NEDD9: variants seen among roughly 807,000 people sequenced by gnomAD.
NEDD9 encodes enhancer of filamentation 1.
Under a neutral mutation model 76.6 loss-of-function variants are expected in NEDD9, and 26 were observed. That is an observed-to-expected ratio of 0.34 (90% CI 0.25 to 0.47). NEDD9 has a LOEUF of 0.47. NEDD9 is among the 20% of genes least tolerant of loss of function. The pLI is 1.00. For missense variants in NEDD9, 937 were observed against 1,058.5 expected, an observed-to-expected ratio of 0.89 and a Z score of 1.59; for synonymous variants, 392 against 414.2, an observed-to-expected ratio of 0.95 and a Z score of 0.65.
Position 11,307,345 on chromosome 6 carries a change from A to G in NEDD9, c.-152-1190T>C, listed in dbSNP as rs1352987307. On this transcript the variant is annotated intron_variant, in intron 2 of 3. Coordinates refer to the NEDD9 transcript ENST00000397378. The stretch of plus-strand genomic sequence containing the variant: ...TTATAGTCTTGGCTAAGAGGGGGGA[A>G]AAAGGAATTTTCCTCTGAGGCACTT... Among the ~76,000 whole-genome samples the G allele has an allele frequency of 2.6e-5, 4 of 152,140 alleles. No homozygotes were observed. In the East Asian group the frequency reaches 5.8e-4, roughly 22 times the overall value.
chr6:11,372,959 A>G (rs541470211), intron 1 of NEDD9, among the ~76,000 whole-genome samples: 4 of 152,246 alleles, frequency 2.6e-5, no homozygotes, highest in Non-Finnish European at 5.9e-5. Context: ...CAATGTCTTT[A>G]TTTTTAATGC....
At chr6:11,220,471 G>A (rs1031915750) in intron 1 of NEDD9, among the ~76,000 whole-genome samples, 2 of 152,168 alleles carry the variant, frequency 1.3e-5, no homozygotes, top group African/African-American at 4.8e-5. Context: ...GCCTCCCGAA[G>A]GTACTCTTTG....
At chr6:11,337,906 G>A (rs961994210) in intron 1 of NEDD9, among the ~76,000 whole-genome samples, 14 of 152,138 alleles carry the variant, frequency 9.2e-5, no homozygotes, top group African/African-American at 3.4e-4. Context: ...TCATACCAGC[G>A]TGTATTCACT....
intron 3 of NEDD9, among the ~76,000 whole-genome samples, chr6:11,294,083 A>G (rs1760839280): frequency 6.6e-6 from 1 of 152,110 alleles, no homozygotes; most frequent in South Asian, 2.1e-4. Flanking sequence ...TAGTAGAATC[A>G]ACACTTAGGT....
chr6:11,324,420 C>A (rs1342948408), intron 2 of NEDD9, among the ~76,000 whole-genome samples: 1 of 152,194 alleles, frequency 6.6e-6, no homozygotes, highest in African/African-American at 2.4e-5. Flanking sequence ...CCCCTGGGAT[C>A]TCTTCACCAT....
At position 11,185,458 on chromosome 6, in the gene NEDD9, G is replaced by A. The variant is rs1757952594; in HGVS notation, c.2209C>T (p.Gln737Ter). The A allele has an allele frequency of 1.9e-6, 3 of 1,614,222 alleles. No individual in the cohort carries two copies. Among genetic ancestry groups the A allele is most frequent in the Non-Finnish European group, 2.5e-6 (3 of 1,180,036 alleles). Residue 737 changes from glutamine to a stop codon, truncating the protein, a stop_gained, in exon 7 of 7, where the codon CAG (glutamine) becomes TAG (stop). Transcript: ENST00000379446. LOFTEE classifies it high-confidence loss of function. Reference sequence around the variant, plus strand: ...TGTGCCACGAAGATTCGCGGGGGCTGGGCTGAGCTGACACAACTGAAGAGT... The same window carrying A: ...TGTGCCACGAAGATTCGCGGGGGCTAGGCTGAGCTGACACAACTGAAGAGT... ...DALFSCVSSA[Q>*]PPRIFVAHSK...
rs781704547 is a variant in NEDD9 at position 11,191,177 on chromosome 6, C to G, written c.692G>C (p.Arg231Pro). 1 of 1,608,814 alleles carries G rather than the reference C, an allele frequency of 6.2e-7. No individual in the cohort carries two copies. The highest frequency in any genetic ancestry group is 1.1e-5 in the South Asian group (1 of 90,454). ...GVYAIPPSAC[R>P]DEAGLREKDY... is the part of the protein sequence containing the mutation. ...TTTTTCCCTAAGCCCTGCTTCATCCCGGCAAGCAGAGGGCGGAATGGCATA... is the reference window on the plus strand; with the variant it reads ...TTTTTCCCTAAGCCCTGCTTCATCCGGGCAAGCAGAGGGCGGAATGGCATA... Residue 231 changes from arginine to proline, a missense_variant, in exon 5 of 7, where the codon CGG becomes CCG. Transcript: ENST00000379446.
intron 1 of NEDD9, among the ~76,000 whole-genome samples, chr6:11,367,710 G>A (rs546883301): frequency 2.0e-5 from 3 of 152,164 alleles, no homozygotes; most frequent in Non-Finnish European, 4.4e-5. Flanking sequence ...TTTTGTAATG[G>A]TTCCTGTCTA....
chr6:11,187,533 G>A (rs1430470849), intron 6 of NEDD9, among the ~76,000 whole-genome samples: 1 of 152,074 alleles, frequency 6.6e-6, no homozygotes, highest in Non-Finnish European at 1.5e-5. Flanking sequence ...GACAAATAGC[G>A]AGGTAGAGAC....
intron 1 of NEDD9, among the ~76,000 whole-genome samples, chr6:11,362,491 T>C (rs1056195795): frequency 2.0e-5 from 3 of 152,122 alleles, no homozygotes; most frequent in Non-Finnish European, 4.4e-5. Context: ...AGGGCTACCA[T>C]GAGCACTTTG....
chr6:11,238,726 G>A (rs775066929), intron 3 of NEDD9, among the ~76,000 whole-genome samples: 6 of 152,024 alleles, frequency 3.9e-5, no homozygotes, highest in Non-Finnish European at 7.4e-5. Context: ...TGTATCTCTG[G>A]ACTCCCGTCA....
At chr6:11,199,638 T>TTTTTTTTTTTTC (rs1758381945) in intron 2 of NEDD9, 1 of 7,496 alleles carries the variant, frequency 1.3e-4, no homozygotes, top group Non-Finnish European at 2.7e-4. Flanking sequence ...AGGAAAGATC[T>TTTTTTTTTTTTC]TTTTTTTTTT....
At chr6:11,325,894 C>T (rs1454971880) in intron 2 of NEDD9, among the ~76,000 whole-genome samples, 4 of 152,136 alleles carry the variant, frequency 2.6e-5, no homozygotes, top group Non-Finnish European at 4.4e-5. Context: ...GCCTGTAATC[C>T]CAGCACTTTG....
At chr6:11,310,100 C>T (rs1413877099) in intron 2 of NEDD9, among the ~76,000 whole-genome samples, 1 of 152,146 alleles carries the variant, frequency 6.6e-6, no homozygotes, top group African/African-American at 2.4e-5. Flanking sequence ...CAGCACTGAG[C>T]ACAAATTGCT....
chr6:11,355,840 C>T (rs1036273400), intron 1 of NEDD9, among the ~76,000 whole-genome samples: 3 of 152,128 alleles, frequency 2.0e-5, no homozygotes, highest in East Asian at 1.9e-4. Flanking sequence ...CCTGCCTCAG[C>T]CTCCCCAGTA....
rs1762785530 is a variant in NEDD9 at position 11,367,214 on chromosome 6, G to A, written c.-214+14925C>T. Among the ~76,000 whole-genome samples the A allele has an allele frequency of 2.0e-5, 3 of 152,248 alleles. No homozygotes were observed. In the South Asian group the frequency reaches 6.2e-4, roughly 31 times the overall value. On this transcript the variant is annotated intron_variant, in intron 1 of 3. Transcript: ENST00000397378. Reference sequence around the variant, plus strand: ...TCACACACAGTGGTCTGAAAGTGCAGTGGGCATCAATTAAGATTTAGGTCA... The same window carrying A: ...TCACACACAGTGGTCTGAAAGTGCAATGGGCATCAATTAAGATTTAGGTCA...
intron 1 of NEDD9, among the ~76,000 whole-genome samples, chr6:11,339,094 A>G (rs953164744): frequency 2.6e-5 from 4 of 151,990 alleles, no homozygotes; most frequent in African/African-American, 7.2e-5. Flanking sequence ...AGTCCCAGCT[A>G]CCCAATTTCC....
chr6:11,247,663 A>T lies in NEDD9; in HGVS notation c.13-33936T>A, dbSNP rs546014002. Among the ~76,000 whole-genome samples the T allele has an allele frequency of 2.0e-5, 3 of 152,300 alleles. No homozygotes were observed. The South Asian group carries it at 6.2e-4, about 32-fold the overall frequency. On this transcript the variant is annotated intron_variant, in intron 3 of 3. Transcript: ENST00000397378. ...CATTTCTGTTTGGCAATAGCAATTT[A>T]TAACTGACTTCATGCATTTTTATTT...
chr6:11,275,066 C>A (rs555341179), intron 3 of NEDD9, among the ~76,000 whole-genome samples: 4 of 152,238 alleles, frequency 2.6e-5, no homozygotes, highest in Non-Finnish European at 4.4e-5. Flanking sequence ...ACTACATATC[C>A]TCAAAAAAGG....
Sources: gnomAD v4.1 joint callset for allele counts (sites outside exome capture counted in the v4.1 genomes callset) on GRCh38, gnomAD v4.1.1 for gene constraint, MANE v1.5 for transcripts, NCBI Gene and HGNC (gene_info 2026-07-23, HGNC 2026-07-21) for gene names.